HS6ST2: variants seen among roughly 807,000 people sequenced by gnomAD.
The protein encoded by HS6ST2 is heparan sulfate 6-O-sulfotransferase 2, also known as heparan-sulfate 6-O-sulfotransferase 2.
HS6ST2 carries 17 observed loss-of-function variants against 33.0 expected under a neutral mutation model. The ratio of observed to expected loss-of-function variants is 0.52; its 90% CI spans 0.35 to 0.77. HS6ST2 has a LOEUF of 0.77. Among genes scored for constraint, HS6ST2 ranks in the 30% least tolerant of loss-of-function variants. HS6ST2 has a pLI of 0.01. For missense variants in HS6ST2, 519 were observed against 551.7 expected (o/e 0.94, Z 0.59); for synonymous variants, 248 against 237.1 (o/e 1.05, Z -0.42).
intron 3 of HS6ST2, among the ~76,000 whole-genome samples, chrX:132,706,885 T>C (rs1203417386): frequency 8.9e-6 from 1 of 111,736 alleles, no homozygotes; most frequent in African/African-American, 3.3e-5. Context: ...AGGGCCCCAT[T>C]GATATTTACC....
chrX:132,930,553 A>T (rs1002219662), intron 2 of HS6ST2, among the ~76,000 whole-genome samples: 15 of 111,059 alleles, frequency 1.4e-4, no homozygotes, highest in African/African-American at 3.6e-4. Flanking sequence ...ACCAAAAGAG[A>T]CAACTGCAGC....
chrX:132,741,311 T>A (rs2064575140), intron 2 of HS6ST2, among the ~76,000 whole-genome samples: 1 of 109,237 alleles, frequency 9.2e-6, no homozygotes, highest in Non-Finnish European at 1.9e-5. Context: ...TGTTTTTTTT[T>A]TTTTTTGAGA....
intron 2 of HS6ST2, among the ~76,000 whole-genome samples, chrX:132,802,628 G>A (rs973536869): frequency 8.1e-5 from 9 of 110,738 alleles, no homozygotes; most frequent in African/African-American, 3.0e-4. Context: ...AAAGGCAAGC[G>A]ATAACAGGTG....
chrX:132,743,488 T>C (rs2064602375), intron 2 of HS6ST2, among the ~76,000 whole-genome samples: 1 of 112,376 alleles, frequency 8.9e-6, no homozygotes, highest in South Asian at 3.7e-4. Flanking sequence ...ACTGAAGAAC[T>C]AGGGCAATTT....
At chrX:132,782,606 T>C (rs144464918) in intron 2 of HS6ST2, among the ~76,000 whole-genome samples, 3 of 111,203 alleles carry the variant, frequency 2.7e-5, no homozygotes, top group Non-Finnish European at 5.7e-5. Context: ...TGGATTCCTT[T>C]TGGGAGTGTG....
At position 132,670,841 on chromosome X, in the gene HS6ST2, G is replaced by C. The variant is rs764918904; in HGVS notation, c.981-1642C>G. On this transcript the variant is annotated intron_variant, in intron 3 of 4. Transcript: ENST00000370833. ...AATAAAACAAAACAAAAAACGTCTA[G>C]GGGGTATGAAAAGCAGCTCTTAGAA... is the stretch of plus-strand genomic sequence containing the variant. Among the ~76,000 whole-genome samples the C allele has an allele frequency of 1.5e-4, 17 of 111,974 alleles. No individual in the cohort carries two copies. The South Asian group carries it at 3.8e-3, about 25-fold the overall frequency.
chrX:132,808,792 C>T (rs914322725), intron 2 of HS6ST2: 6 of 111,912 alleles, frequency 5.4e-5, no homozygotes, highest in African/African-American at 1.9e-4. Context: ...GGTCAGTGCA[C>T]TGGACCACAG....
At chrX:132,633,677 C>A (rs2063534712) in intron 4 of HS6ST2, among the ~76,000 whole-genome samples, 1 of 111,346 alleles carries the variant, frequency 9.0e-6, no homozygotes, top group South Asian at 3.9e-4. Flanking sequence ...ATTTCCAGAC[C>A]ATCATGGTCT....
chrX:132,920,520 C>T (rs903870022), intron 2 of HS6ST2, among the ~76,000 whole-genome samples: 2 of 112,040 alleles, frequency 1.8e-5, no homozygotes, highest in African/African-American at 6.5e-5. Flanking sequence ...CACTAAAATT[C>T]TCAGTAATTC....
At chrX:132,758,567 A>G (rs1276950813) in intron 2 of HS6ST2, among the ~76,000 whole-genome samples, 2 of 111,603 alleles carry the variant, frequency 1.8e-5, no homozygotes, top group Non-Finnish European at 3.8e-5. Flanking sequence ...GATGCTCTTG[A>G]TGACATTGAC....
chrX:132,948,090 T>C (rs2066975220), intron 2 of HS6ST2, among the ~76,000 whole-genome samples: 1 of 111,839 alleles, frequency 8.9e-6, no homozygotes, highest in Non-Finnish European at 1.9e-5. Flanking sequence ...AAGCAACTCA[T>C]TAGAACTAAA....
chrX:132,918,860 T>A (rs1302933411), intron 2 of HS6ST2, among the ~76,000 whole-genome samples: 2 of 111,832 alleles, frequency 1.8e-5, no homozygotes, highest in African/African-American at 6.5e-5. Flanking sequence ...TGACCATAGG[T>A]CCACACCACT....
chrX:132,839,197 A>G (rs1044945234), intron 2 of HS6ST2, among the ~76,000 whole-genome samples: 2 of 103,853 alleles, frequency 1.9e-5, no homozygotes, highest in Non-Finnish European at 3.9e-5. Flanking sequence ...TCACAACACT[A>G]TTCACAATAG....
At chrX:132,945,081 G>A (rs745899830) in intron 2 of HS6ST2, among the ~76,000 whole-genome samples, 1 of 111,651 alleles carries the variant, frequency 9.0e-6, no homozygotes, top group South Asian at 3.8e-4. Flanking sequence ...TACAGAATGG[G>A]GGAAAATTTT....
chrX:132,768,876 AT>A (rs1330951578), intron 2 of HS6ST2, among the ~76,000 whole-genome samples: 1 of 112,625 alleles, frequency 8.9e-6, no homozygotes, highest in Non-Finnish European at 1.9e-5. Flanking sequence ...TTTCATCAAA[AT>A]TTTACTTTTC....
intron 2 of HS6ST2, among the ~76,000 whole-genome samples, chrX:132,887,164 G>A (rs1181001702): frequency 9.1e-6 from 1 of 109,935 alleles, no homozygotes; most frequent in African/African-American, 3.3e-5. Flanking sequence ...GATGAAAAAA[G>A]GTAACCAATA....
intron 3 of HS6ST2, among the ~76,000 whole-genome samples, chrX:132,699,774 T>A (rs914999578): frequency 3.6e-5 from 4 of 111,884 alleles, no homozygotes; most frequent in Admixed American, 1.9e-4. Context: ...ACAATGTCCA[T>A]TTCTTCCCTG....
chrX:132,728,129 A>G lies in HS6ST2; in HGVS notation c.948-19635T>C, dbSNP rs1479351002. ...TTAATGTACAAGTTTCTATGTGAAC[A>G]TGTGTTTTCATTTCTCTTAGATATA... On this transcript the variant is annotated intron_variant, in intron 2 of 4. Transcript: ENST00000370833. Among the ~76,000 whole-genome samples, 3 of 112,166 alleles carry G rather than the reference A, an allele frequency of 2.7e-5. No homozygotes were observed. In the East Asian group the frequency reaches 8.3e-4, roughly 31 times the overall value.
Position 132,751,250 on chromosome X carries a change from T to C in HS6ST2, c.948-42756A>G, listed in dbSNP as rs185439916. ...CTTAGAAGCAGTGTGTCTCCTGAGG[T>C]GGGGCGGGGCGGGGGGGCTTATTTC... On this transcript the variant is annotated intron_variant, in intron 2 of 4. Coordinates refer to ENST00000370833, the MANE Select transcript of HS6ST2 (RefSeq NM_001394073.1). 3.7e-3 allele frequency among the ~76,000 whole-genome samples: 352 copies of C among 95,457 alleles called. 2 individuals carry two copies. The highest frequency in any genetic ancestry group is 0.013 in the African/African-American group (343 of 26,118). 82.9% of individuals were successfully genotyped at this position (95,457 alleles called of 115,157 possible).
Sources: allele counts gnomAD v4.1 joint callset (sites outside exome capture counted in the v4.1 genomes callset), GRCh38; gene constraint gnomAD v4.1.1; transcripts MANE v1.5; gene names NCBI Gene and HGNC (gene_info 2026-07-23, HGNC 2026-07-21).